The following CPVL variants were observed in gnomAD, a reference collection of about 807,000 sequenced individuals.
The protein encoded by CPVL is carboxypeptidase vitellogenic like, also known as probable serine carboxypeptidase CPVL.
In CPVL, 51 loss-of-function variants were observed where a neutral mutation model predicts 63.7. The ratio of observed to expected loss-of-function variants is 0.80; its 90% CI spans 0.64 to 1.01. CPVL has a LOEUF of 1.01. CPVL is among the 50% of genes least tolerant of loss of function. The probability of loss-of-function intolerance (pLI) is 0.00; values close to 1 mark genes in which losing one functional copy is unlikely to be tolerated. For synonymous variants in CPVL, 195 were observed against 206.0 expected, an observed-to-expected ratio of 0.95 and a Z score of 0.46; for missense variants, 530 against 573.1, an observed-to-expected ratio of 0.92 and a Z score of 0.77.
chr7:29,138,083 A>G (rs968122768), intron 1 of CPVL, among the ~76,000 whole-genome samples: 6 of 152,230 alleles, frequency 3.9e-5, no homozygotes, highest in Non-Finnish European at 8.8e-5. Flanking sequence ...TAAAGATGAC[A>G]GGAGTTTGAA....
chr7:29,185,870 G>A (rs562637880), intron 2 of CPVL, among the ~76,000 whole-genome samples: 6 of 152,254 alleles, frequency 3.9e-5, no homozygotes, highest in African/African-American at 9.6e-5. Flanking sequence ...TATATTAAAG[G>A]TTGCACAGCC....
intron 12 of CPVL, among the ~76,000 whole-genome samples, chr7:29,028,162 T>C (rs891141426): frequency 2.6e-5 from 4 of 152,218 alleles, no homozygotes; most frequent in Non-Finnish European, 5.9e-5. Flanking sequence ...CCAAATAATC[T>C]CTGACAAAGC....
chr7:29,071,721 T>TCC, intron 9 of CPVL, 52 bp downstream of exon 9: 5 of 399,414 alleles, frequency 1.3e-5, no homozygotes, highest in South Asian at 2.6e-5. Flanking sequence ...CCGCCCTCCC[T>TCC]CCCCAGATGG....
chr7:29,020,679 CAAT>C (rs1262498620), intron 12 of CPVL, among the ~76,000 whole-genome samples: 1 of 123,686 alleles, frequency 8.1e-6, no homozygotes, highest in African/African-American at 2.7e-5. Flanking sequence ...TTTAAAAAAA[CAAT>C]AGTCACACAC....
intron 5 of CPVL, among the ~76,000 whole-genome samples, chr7:29,094,822 G>A (rs1786231034): frequency 6.6e-6 from 1 of 151,894 alleles, no homozygotes; most frequent in African/African-American, 2.4e-5. Flanking sequence ...TGCCAGCCTG[G>A]GCGACAGAGC....
In CPVL at chr7:29,124,862, C is replaced by CA. The variant is rs925898376; in HGVS notation, c.-10-3792dup. 5 of 151,808 alleles carry CA rather than the reference C, an allele frequency of 3.3e-5. No homozygotes were observed. The South Asian group carries it at 6.2e-4, about 19-fold the overall frequency. The allele number at this position is 151,808 out of a possible 1,614,324, so 9.4% of individuals were successfully genotyped here. A position where few individuals can be genotyped will look rare whatever the true frequency, so the allele number is the denominator to read the frequency against. On this transcript the variant is annotated intron_variant, in intron 1 of 12. Transcript: ENST00000265394. ...TAATTTTGTTGCTTTTTTAAAAAAACAAAGTGAAGCAACTGCTAGACATGG... is the reference window on the plus strand; with the variant it reads ...TAATTTTGTTGCTTTTTTAAAAAAACAAAAGTGAAGCAACTGCTAGACATGG...
At chr7:29,155,895 G>T (rs913811455) in intron 5 of CPVL, among the ~76,000 whole-genome samples, 11 of 152,146 alleles carry the variant, frequency 7.2e-5, no homozygotes, top group African/African-American at 2.7e-4. Flanking sequence ...TCCTGTCAGG[G>T]TCTGTGAGCT....
intron 9 of CPVL, among the ~76,000 whole-genome samples, chr7:29,070,326 T>G (rs887064347): frequency 5.3e-5 from 8 of 152,230 alleles, no homozygotes; most frequent in Admixed American, 3.9e-4. Context: ...ACCAGTCATC[T>G]TTCTGCTTTT....
intron 12 of CPVL, among the ~76,000 whole-genome samples, chr7:29,017,391 T>A (rs534235373): frequency 6.6e-6 from 1 of 152,362 alleles, no homozygotes; most frequent in Admixed American, 6.5e-5. Context: ...CCCAGCACTT[T>A]GGGAGGCCGA....
intron 12 of CPVL, chr7:29,000,907 A>C (rs1784566247): frequency 6.6e-6 from 1 of 152,130 alleles, no homozygotes; most frequent in South Asian, 2.1e-4. Context: ...AGACTTGCCT[A>C]TTCTGGATAT....
chr7:29,060,550 C>G (rs1416333943), intron 11 of CPVL, among the ~76,000 whole-genome samples: 3 of 152,184 alleles, frequency 2.0e-5, no homozygotes, highest in Non-Finnish European at 4.4e-5. Context: ...ATTTACCACC[C>G]AAACATCTGA....
chr7:29,031,156 G>A (rs111637656), intron 11 of CPVL, among the ~76,000 whole-genome samples: 5 of 152,264 alleles, frequency 3.3e-5, no homozygotes, highest in African/African-American at 9.6e-5. Context: ...CAGTGCAGTC[G>A]CTGGCAAGCT....
chr7:29,133,279 T>A (rs995938898), intron 1 of CPVL, among the ~76,000 whole-genome samples: 2 of 152,154 alleles, frequency 1.3e-5, no homozygotes, highest in Non-Finnish European at 2.9e-5. Context: ...TCATTAATAA[T>A]CTCCATATTT....
chr7:29,129,076 G>A (rs891063457), intron 1 of CPVL, among the ~76,000 whole-genome samples: 2 of 152,210 alleles, frequency 1.3e-5, no homozygotes, highest in Non-Finnish European at 2.9e-5. Flanking sequence ...GATTTACACT[G>A]TGACATGATT....
intron 1 of CPVL, chr7:29,194,986 C>T (rs1367688352): frequency 1.3e-6 from 2 of 1,587,198 alleles, no homozygotes; most frequent in Non-Finnish European, 8.6e-7. Context: ...CGTCGGTGTC[C>T]TCCGGTGAGT....
Position 29,171,054 on chromosome 7 carries a change from A to G in CPVL, c.-11+10236T>C, listed in dbSNP as rs1442208158. 7.2e-5 allele frequency among the ~76,000 whole-genome samples: 11 copies of G among 152,068 alleles called. No individual in the cohort carries two copies. The South Asian group carries it at 8.3e-4, about 11-fold the overall frequency. ...CAAACCATATCACTTACACTTCTCT[A>G]TGACTCAGCTGATTTATTAAAAAAC... On this transcript the variant is annotated intron_variant, in intron 5 of 16. Transcript: ENST00000409850.
chr7:29,166,737 A>G (rs1795971957), intron 5 of CPVL, among the ~76,000 whole-genome samples: 1 of 152,010 alleles, frequency 6.6e-6, no homozygotes, highest in Non-Finnish European at 1.5e-5. Flanking sequence ...AATAATTTGT[A>G]TCATTTCTAT....
At chr7:29,063,971 A>C in intron 11 of CPVL, 90 bp downstream of exon 11, 1 of 877,780 alleles carries the variant, frequency 1.1e-6, no homozygotes, top group South Asian at 1.6e-5. Flanking sequence ...AAAGTTAAAA[A>C]AAAAAAAAAG....
In CPVL at chr7:29,115,643, A is replaced by C. The variant is rs1028019244; in HGVS notation, c.170-2821T>G. ...AACAGATACCACCCCCTGCCTCCCA[A>C]AAAAAAAAAGGAGAGTAGAGAAGTA... On this transcript the variant is annotated intron_variant, in intron 2 of 12. Transcript: ENST00000265394. Among the ~76,000 whole-genome samples the C allele has an allele frequency of 2.3e-3, 36 of 15,652 alleles. No homozygotes were observed. In the East Asian group the frequency reaches 0.31, roughly 136 times the overall value. 10.3% of individuals were successfully genotyped at this position (15,652 alleles called of 152,430 possible). A position where few individuals can be genotyped will look rare whatever the true frequency, so the allele number is the denominator to read the frequency against.
Sources: gnomAD v4.1 joint callset for allele counts (sites outside exome capture counted in the v4.1 genomes callset) on GRCh38, gnomAD v4.1.1 for gene constraint, MANE v1.5 for transcripts, NCBI Gene and HGNC (gene_info 2026-07-23, HGNC 2026-07-21) for gene names.